The following NSG2 variants were observed in gnomAD, a reference collection of about 807,000 sequenced individuals.
NSG2 encodes neuronal vesicle trafficking-associated protein 2.
A neutral mutation model predicts 16.9 loss-of-function variants in NSG2; 4 were observed. The observed-to-expected ratio is 0.24, with a 90% CI of 0.12 to 0.54. The LOEUF (loss-of-function observed/expected upper bound fraction) is 0.54. NSG2 is among the 20% of genes least tolerant of loss of function. The probability of loss-of-function intolerance (pLI) is 0.95; values close to 1 mark genes in which losing one functional copy is unlikely to be tolerated. For missense variants in NSG2, 179 were observed against 221.1 expected (o/e 0.81, Z 1.21); for synonymous variants, 98 against 88.7 (o/e 1.11, Z -0.59).
chr5:174,064,974 G>T (rs964401064), intron 3 of NSG2, among the ~76,000 whole-genome samples: 2 of 152,210 alleles, frequency 1.3e-5, no homozygotes, highest in Non-Finnish European at 2.9e-5. Flanking sequence ...AGGCCCTGAG[G>T]CAGGAAGGAG....
At chr5:174,059,203 C>T (rs1760011317) in intron 2 of NSG2, among the ~76,000 whole-genome samples, 1 of 152,166 alleles carries the variant, frequency 6.6e-6, no homozygotes, top group Admixed American at 6.5e-5. Flanking sequence ...AATGACATCA[C>T]GCAGTATATA....
At chr5:174,098,221 G>A (rs1760837110) in intron 3 of NSG2, among the ~76,000 whole-genome samples, 2 of 152,202 alleles carry the variant, frequency 1.3e-5, no homozygotes, top group South Asian at 4.1e-4. Context: ...GAGCTGTCAG[G>A]GTGCTGGGGC....
At chr5:174,078,809 C>T (rs1449427289) in intron 3 of NSG2, among the ~76,000 whole-genome samples, 7 of 152,162 alleles carry the variant, frequency 4.6e-5, no homozygotes, top group African/African-American at 1.7e-4. Flanking sequence ...GTGGGCCCAT[C>T]CCAGATACCA....
At chr5:174,085,399 T>G (rs1760591684) in intron 3 of NSG2, among the ~76,000 whole-genome samples, 1 of 152,184 alleles carries the variant, frequency 6.6e-6, no homozygotes, top group Admixed American at 6.5e-5. Context: ...TTTTCCCACC[T>G]CACACTGGTT....
At chr5:174,060,430 A>T (rs1760032192) in intron 2 of NSG2, among the ~76,000 whole-genome samples, 1 of 151,992 alleles carries the variant, frequency 6.6e-6, no homozygotes. Context: ...TGATGTGAGG[A>T]TTCTCAAGAA....
intron 3 of NSG2, chr5:174,086,661 G>A (rs1760627893): frequency 6.6e-6 from 1 of 152,224 alleles, no homozygotes; most frequent in Non-Finnish European, 1.5e-5. Flanking sequence ...TGACACACTT[G>A]CTTTTGCTTT....
intron 3 of NSG2, among the ~76,000 whole-genome samples, chr5:174,092,976 T>A (rs1366855172): frequency 1.3e-5 from 2 of 152,194 alleles, no homozygotes; most frequent in African/African-American, 2.4e-5. Context: ...GTTTTTCCTT[T>A]TGGATTTTCA....
chr5:174,067,073 A>G (rs957141600), intron 3 of NSG2, among the ~76,000 whole-genome samples: 1 of 147,702 alleles, frequency 6.8e-6, no homozygotes, highest in African/African-American at 2.5e-5. Flanking sequence ...GAGAATGTTG[A>G]GTGAGTAAAA....
chr5:174,097,677 GTC>G (rs1044612881), intron 3 of NSG2, among the ~76,000 whole-genome samples: 12 of 149,618 alleles, frequency 8.0e-5, no homozygotes, highest in African/African-American at 2.8e-4. Context: ...GAATATCTGT[GTC>G]TCTGTCTGTG....
chr5:174,104,636 T>C (rs1760948761), intron 4 of NSG2, among the ~76,000 whole-genome samples: 1 of 152,180 alleles, frequency 6.6e-6, no homozygotes. Flanking sequence ...TGTTCCATTT[T>C]GGGAAAGCTC....
At position 174,046,827 on chromosome 5, in the gene NSG2, C is replaced by A. The variant is rs141818585; in HGVS notation, c.72C>A (p.Thr24=). ...CTTCAGTTGAGGATGGCTTCCAGAC[C>A]GTCCCTCTCATCACTCCCTTGGAGG... ...KPPSVEDGFQ[T]VPLITPLEVN... The change falls in exon 2 of 5, where the codon ACC becomes ACA. Residue 24 remains threonine, a synonymous_variant. Transcript: ENST00000303177. 2 of 1,613,904 alleles carry A rather than the reference C, an allele frequency of 1.2e-6. No homozygotes were observed. Among genetic ancestry groups the A allele is most frequent in the African/African-American group, 1.3e-5 (1 of 74,870 alleles).
intron 2 of NSG2, chr5:174,062,503 C>A (rs1760069051): frequency 6.6e-6 from 1 of 152,202 alleles, no homozygotes; most frequent in African/African-American, 2.4e-5. Flanking sequence ...TGCCCCCACC[C>A]CCTGTAAGCT....
At chr5:174,046,019 G>A (rs950687730) in intron 1 of NSG2, 176 bp downstream of exon 1, 9 of 151,862 alleles carry the variant, frequency 5.9e-5, no homozygotes, top group African/African-American at 2.2e-4. Context: ...AAGGGATCTG[G>A]AGATGAATAA....
intron 3 of NSG2, among the ~76,000 whole-genome samples, chr5:174,087,787 CA>C (rs552111181): frequency 0.02 from 2,666 of 130,974 alleles, 29 homozygotes; most frequent in African/African-American, 0.043. Context: ...GACCCTGTGT[CA>C]AAAAAAAAAA....
At chr5:174,049,437 GCGCA>G (rs1759853278) in intron 2 of NSG2, among the ~76,000 whole-genome samples, 2 of 113,636 alleles carry the variant, frequency 1.8e-5, no homozygotes, top group African/African-American at 9.1e-5. Flanking sequence ...ATATGTGCAC[GCGCA>G]CGTGCACACA....
At chr5:174,085,874 G>A (rs1240784326) in intron 3 of NSG2, among the ~76,000 whole-genome samples, 1 of 152,252 alleles carries the variant, frequency 6.6e-6, no homozygotes, top group Non-Finnish European at 1.5e-5. Context: ...GCCACAGTCA[G>A]ATGGGGATTA....
intron 3 of NSG2, among the ~76,000 whole-genome samples, chr5:174,080,481 CTCTT>C (rs771428922): frequency 7.3e-5 from 11 of 149,772 alleles, no homozygotes; most frequent in Non-Finnish European, 1.5e-4. Context: ...CTTTCTTTCC[CTCTT>C]TCTTTCTTTC....
chr5:174,058,591 C>T (rs777659766), intron 2 of NSG2, among the ~76,000 whole-genome samples: 7 of 152,076 alleles, frequency 4.6e-5, no homozygotes, highest in Non-Finnish European at 1.0e-4. Flanking sequence ...GGAGTGGAGA[C>T]GGAGGAGGGC....
At chr5:174,056,824 G>A (rs7719450) in intron 2 of NSG2, among the ~76,000 whole-genome samples, 6 of 152,128 alleles carry the variant, frequency 3.9e-5, no homozygotes, top group Admixed American at 1.3e-4. Flanking sequence ...ATGTGGGAAC[G>A]TCTTCATTAT....
Sources: allele counts gnomAD v4.1 joint callset (sites outside exome capture counted in the v4.1 genomes callset), GRCh38; gene constraint gnomAD v4.1.1; transcripts MANE v1.5; gene names NCBI Gene and HGNC (gene_info 2026-07-23, HGNC 2026-07-21).